The following RGS8 variants were observed in gnomAD, a reference collection of about 807,000 sequenced individuals.
RGS8 encodes the protein regulator of G-protein signaling 8.
Under a neutral mutation model 21.7 loss-of-function variants are expected in RGS8, and 8 were observed. The observed-to-expected ratio is 0.37, with a 90% CI of 0.22 to 0.66. The LOEUF is 0.66. Among genes scored for constraint, RGS8 ranks in the 30% least tolerant of loss-of-function variants. The probability of loss-of-function intolerance (pLI) is 0.59; values close to 1 mark genes in which losing one functional copy is unlikely to be tolerated. For missense variants in RGS8, 157 were observed against 217.9 expected (o/e 0.72, Z 1.76); for synonymous variants, 80 against 83.6 (o/e 0.96, Z 0.24).
chr1:182,683,462 G>T (rs2102459297), intron 1 of RGS8, among the ~76,000 whole-genome samples: 1 of 152,150 alleles, frequency 6.6e-6, no homozygotes, highest in South Asian at 2.1e-4. Context: ...CCAGACTTCA[G>T]GATGGGGTAA....
At chr1:182,651,555 C>T (rs1571311736) in intron 5 of RGS8, among the ~76,000 whole-genome samples, 1 of 152,206 alleles carries the variant, frequency 6.6e-6, no homozygotes, top group Non-Finnish European at 1.5e-5. Context: ...CACTTTCACA[C>T]CACCCTAAAG....
At chr1:182,658,589 T>C (rs1297952193) in intron 5 of RGS8, 2 of 152,238 alleles carry the variant, frequency 1.3e-5, no homozygotes, top group Non-Finnish European at 2.9e-5. Context: ...CAAAACTTCT[T>C]TGATCCAGAA....
chr1:182,667,004 G>C (rs747410339), intron 3 of RGS8, 31 bp from the exon 5 acceptor site: 3 of 1,556,236 alleles, frequency 1.9e-6, no homozygotes, highest in East Asian at 4.5e-5. Flanking sequence ...GAAGGACGGG[G>C]AAACTCTCAT....
At chr1:182,732,219 GCT>G in the RGS8 span, among the ~76,000 whole-genome samples, 2 of 150,928 alleles carry the variant, frequency 1.3e-5, no homozygotes, top group Non-Finnish European at 2.9e-5. Context: ...CAGAACAAGC[GCT>G]CTCTCTCTTT....
the RGS8 span, among the ~76,000 whole-genome samples, chr1:182,747,071 T>TTTTTTTTTG: frequency 8.5e-6 from 1 of 117,104 alleles, no homozygotes; most frequent in Non-Finnish European, 1.7e-5. Context: ...TTTTTTTTTT[T>TTTTTTTTTG]TTTTTTTTTG....
intron 1 of RGS8, among the ~76,000 whole-genome samples, chr1:182,678,978 C>T (rs1664457106): frequency 1.3e-5 from 2 of 152,174 alleles, no homozygotes; most frequent in African/African-American, 4.8e-5. Context: ...CCATATTACA[C>T]ACACCCTGAC....
At chr1:182,681,737 G>A (rs1664541213) in intron 1 of RGS8, among the ~76,000 whole-genome samples, 2 of 152,258 alleles carry the variant, frequency 1.3e-5, no homozygotes, top group African/African-American at 4.8e-5. Context: ...CTGGAGGCGG[G>A]AGGAGGGACG....
chr1:182,724,237 T>C, the RGS8 span, among the ~76,000 whole-genome samples: 3 of 135,542 alleles, frequency 2.2e-5, no homozygotes, highest in Admixed American at 7.4e-5. Flanking sequence ...TATATATATA[T>C]ATATATATAT....
intron 1 of RGS8, among the ~76,000 whole-genome samples, chr1:182,678,833 G>C (rs1253256649): frequency 2.0e-5 from 3 of 152,158 alleles, no homozygotes; most frequent in African/African-American, 7.2e-5. Flanking sequence ...GTAGAGTGGA[G>C]AGAGAGAGCT....
chr1:182,668,670 TC>T (rs1663994328), intron 3 of RGS8, among the ~76,000 whole-genome samples: 2 of 152,138 alleles, frequency 1.3e-5, no homozygotes, highest in African/African-American at 4.8e-5. Flanking sequence ...CGTCCCCTGC[TC>T]CCACCTTGAA....
At chr1:182,743,841 A>G in the RGS8 span, among the ~76,000 whole-genome samples, 4 of 152,198 alleles carry the variant, frequency 2.6e-5, no homozygotes, top group East Asian at 7.7e-4. Flanking sequence ...GCATATAGAC[A>G]TGCTACATAC....
the RGS8 span, among the ~76,000 whole-genome samples, chr1:182,690,801 TAC>T: frequency 6.6e-6 from 1 of 152,238 alleles, no homozygotes; most frequent in Non-Finnish European, 1.5e-5. Context: ...CTCTATCCAT[TAC>T]ACGGTACTCT....
At chr1:182,721,106 C>CAT in the RGS8 span, among the ~76,000 whole-genome samples, 1 of 130,414 alleles carries the variant, frequency 7.7e-6, no homozygotes, top group Non-Finnish European at 1.6e-5. Context: ...TATATATATA[C>CAT]ATATATATAT....
intron 5 of RGS8, among the ~76,000 whole-genome samples, chr1:182,657,254 T>C (rs545601252): frequency 6.6e-6 from 1 of 152,244 alleles, no homozygotes; most frequent in African/African-American, 2.4e-5. Context: ...ATCTGCTCCT[T>C]TCCCTGACTC....
chr1:182,751,418 T>G, the RGS8 span, among the ~76,000 whole-genome samples: 3 of 152,172 alleles, frequency 2.0e-5, no homozygotes, highest in African/African-American at 7.2e-5. Flanking sequence ...GGTACCAGGG[T>G]CATGTACAGT....
At chr1:182,676,774 C>T (rs530819601), upstream of RGS8, among the ~76,000 whole-genome samples, 5 of 152,154 alleles carry the variant, frequency 3.3e-5, no homozygotes, top group Admixed American at 2.6e-4. Context: ...GAAGAAAGGG[C>T]CTTTGGTACT....
chr1:182,708,024 A>C, the RGS8 span, among the ~76,000 whole-genome samples: 1 of 152,318 alleles, frequency 6.6e-6, no homozygotes, highest in African/African-American at 2.4e-5. Flanking sequence ...ATTTCTTTCA[A>C]TCATCACAAA....
intron 5 of RGS8, among the ~76,000 whole-genome samples, chr1:182,653,281 G>A (rs973378067): frequency 6.6e-6 from 1 of 152,110 alleles, no homozygotes; most frequent in Non-Finnish European, 1.5e-5. Context: ...TGAATGAAGT[G>A]GAAACAGTCA....
intron 5 of RGS8, among the ~76,000 whole-genome samples, chr1:182,655,113 A>T (rs970840840): frequency 6.6e-6 from 1 of 152,216 alleles, no homozygotes; most frequent in African/African-American, 2.4e-5. Flanking sequence ...TTTAGGAGAA[A>T]AAAACAAAGC....
Sources: allele counts gnomAD v4.1 joint callset (sites outside exome capture counted in the v4.1 genomes callset), GRCh38; gene constraint gnomAD v4.1.1; transcripts MANE v1.5; gene names NCBI Gene and HGNC (gene_info 2026-07-23, HGNC 2026-07-21).